STRBP: variants seen among roughly 807,000 people sequenced by gnomAD.
STRBP encodes spermatid perinuclear RNA-binding protein.
A neutral mutation model predicts 80.1 loss-of-function variants in STRBP; 13 were observed. That is an observed-to-expected ratio of 0.16 (90% CI 0.11 to 0.26). The LOEUF (loss-of-function observed/expected upper bound fraction) is 0.26, where lower values mean the gene tolerates loss of function less well. Among genes scored for constraint, STRBP ranks in the 10% least tolerant of loss-of-function variants. The pLI is 1.00. For missense variants in STRBP, 485 were observed against 815.2 expected, an observed-to-expected ratio of 0.59 and a Z score of 4.93; for synonymous variants, 284 against 291.2, an observed-to-expected ratio of 0.98 and a Z score of 0.25.
chr9:123,181,800 CAAAAAAAAAAAAAAAAAAAAAAAAA>C (rs56785428), intron 3 of STRBP, among the ~76,000 whole-genome samples: 7 of 25,778 alleles, frequency 2.7e-4, no homozygotes, highest in African/African-American at 1.1e-3. Flanking sequence ...AACTTCGTCT[CAAAAAAAAAAAAAAAAAAAAAAAAA>C]AAAAAAAAAA....
At chr9:123,172,312 T>G (rs1338571048) in intron 5 of STRBP, among the ~76,000 whole-genome samples, 2 of 152,186 alleles carry the variant, frequency 1.3e-5, no homozygotes, top group East Asian at 1.9e-4. Flanking sequence ...AAATACAGAT[T>G]AAATGCTAAA....
intron 2 of STRBP, among the ~76,000 whole-genome samples, chr9:123,229,987 G>C (rs1279990955): frequency 6.6e-6 from 1 of 152,164 alleles, no homozygotes; most frequent in East Asian, 1.9e-4. Flanking sequence ...TGCAGATTAG[G>C]AGGAGAGTCA....
chr9:123,144,197 C>CAAAAAAAA (rs957671357), intron 13 of STRBP, among the ~76,000 whole-genome samples: 3 of 69,026 alleles, frequency 4.3e-5, no homozygotes, highest in African/African-American at 8.3e-5. Flanking sequence ...GACTCCGTCT[C>CAAAAAAAA]AAAAAAAAAA....
intron 1 of STRBP, among the ~76,000 whole-genome samples, chr9:123,267,188 C>T (rs943613260): frequency 5.9e-5 from 9 of 151,520 alleles, no homozygotes; most frequent in African/African-American, 1.9e-4. Context: ...CAGCTCCTGC[C>T]CCTAACGTCC....
intron 2 of STRBP, among the ~76,000 whole-genome samples, chr9:123,204,490 C>T (rs977499621): frequency 6.6e-6 from 1 of 152,184 alleles, no homozygotes; most frequent in African/African-American, 2.4e-5. Context: ...CAGAATAGTA[C>T]ATGACTCCGT....
intron 18 of STRBP, among the ~76,000 whole-genome samples, chr9:123,127,183 T>C (rs1449615089): frequency 6.6e-6 from 1 of 152,240 alleles, no homozygotes; most frequent in Non-Finnish European, 1.5e-5. Context: ...TCTACTTATG[T>C]CCACAGTTAC....
intron 2 of STRBP, among the ~76,000 whole-genome samples, chr9:123,226,317 T>C (rs919099394): frequency 6.6e-6 from 1 of 152,174 alleles, no homozygotes; most frequent in African/African-American, 2.4e-5. Context: ...TCTGTCAAAA[T>C]TCATAGAACC....
chr9:123,214,825 T>C (rs1337229153), intron 2 of STRBP, among the ~76,000 whole-genome samples: 1 of 152,218 alleles, frequency 6.6e-6, no homozygotes, highest in Non-Finnish European at 1.5e-5. Context: ...TATGCACGTG[T>C]TTATATGTGT....
chr9:123,195,461 C>CA (rs1043923813), intron 2 of STRBP, among the ~76,000 whole-genome samples: 6 of 151,804 alleles, frequency 4.0e-5, no homozygotes, highest in Non-Finnish European at 8.8e-5. Context: ...AAAACTGCAC[C>CA]AAAAAAACTA....
chr9:123,196,457 A>G (rs2039094087), intron 2 of STRBP, among the ~76,000 whole-genome samples: 3 of 152,170 alleles, frequency 2.0e-5, no homozygotes, highest in Non-Finnish European at 4.4e-5. Flanking sequence ...GGAAGAAAAT[A>G]GTTCCATTAG....
intron 2 of STRBP, among the ~76,000 whole-genome samples, chr9:123,214,266 T>C (rs2039818993): frequency 6.6e-6 from 1 of 151,694 alleles, no homozygotes; most frequent in Non-Finnish European, 1.5e-5. Flanking sequence ...TTATTCTAAG[T>C]GAAGTAACTC....
intron 1 of STRBP, among the ~76,000 whole-genome samples, chr9:123,256,851 G>A (rs2132643760): frequency 6.6e-6 from 1 of 151,930 alleles, no homozygotes; most frequent in Admixed American, 6.5e-5. Context: ...ACACAGACAT[G>A]GGGAGAACGT....
intron 1 of STRBP, among the ~76,000 whole-genome samples, chr9:123,240,859 C>G (rs894915767): frequency 6.6e-6 from 1 of 152,168 alleles, no homozygotes; most frequent in African/African-American, 2.4e-5. Context: ...ACTTGTATAT[C>G]CAATTGATGG....
intron 4 of STRBP, among the ~76,000 whole-genome samples, chr9:123,176,859 AT>A (rs762352295): frequency 4.6e-5 from 7 of 152,216 alleles, no homozygotes; most frequent in Non-Finnish European, 1.0e-4. Flanking sequence ...TAAAAACAGA[AT>A]TCTAATATTC....
chr9:123,150,298 TGA>T (rs2036996838), intron 11 of STRBP, among the ~76,000 whole-genome samples: 1 of 152,074 alleles, frequency 6.6e-6, no homozygotes, highest in South Asian at 2.1e-4. Flanking sequence ...ACTTCCAGTA[TGA>T]GAGAGTAAAT....
At chr9:123,148,914 A>C (rs2036936856) in intron 11 of STRBP, among the ~76,000 whole-genome samples, 1 of 152,168 alleles carries the variant, frequency 6.6e-6, no homozygotes, top group South Asian at 2.1e-4. Context: ...AACTAACTGA[A>C]TTGATTAATA....
rs1489726833 is a variant in STRBP, at chr9:123,115,224, C to A, written c.*84+705G>T. 2 of 471,234 alleles carry A rather than the reference C, an allele frequency of 4.2e-6. No homozygotes were observed. The highest frequency in any genetic ancestry group is 1.4e-4 in the East Asian group (2 of 14,402). 29.2% of individuals were successfully genotyped at this position (471,234 alleles called of 1,614,324 possible). ...ACTCTCTCTGTGCATGCATGCCAGGCCCGCCTCTGACTCCCCTCCTGGGGA... is the reference window on the plus strand; with the variant it reads ...ACTCTCTCTGTGCATGCATGCCAGGACCGCCTCTGACTCCCCTCCTGGGGA... On this transcript the variant is annotated intron_variant and NMD_transcript_variant, in intron 3 of 3. Transcript: ENST00000471564. This position sits in a 1 kb window ranked among gnomAD's most constrained non-coding sequence, Gnocchi z 5.0.
intron 1 of STRBP, among the ~76,000 whole-genome samples, chr9:123,252,029 T>C (rs939873349): frequency 2.3e-5 from 3 of 129,566 alleles, no homozygotes; most frequent in Non-Finnish European, 4.9e-5. Context: ...GCACCATCTA[T>C]TTTTTTTTTT....
At chr9:123,236,202 T>C (rs2040557246) in intron 2 of STRBP, among the ~76,000 whole-genome samples, 1 of 152,206 alleles carries the variant, frequency 6.6e-6, no homozygotes. Flanking sequence ...TTTTATCACA[T>C]AGTACAGCAA....
Sources: allele counts gnomAD v4.1 joint callset (sites outside exome capture counted in the v4.1 genomes callset), GRCh38; gene constraint gnomAD v4.1.1; non-coding constraint Gnocchi (gnomAD v3.1); transcripts MANE v1.5; gene names NCBI Gene and HGNC (gene_info 2026-07-23, HGNC 2026-07-21).